PLOD3: variants seen among roughly 807,000 people sequenced by gnomAD.
The protein encoded by PLOD3 is multifunctional procollagen lysine hydroxylase and glycosyltransferase LH3.
A neutral mutation model predicts 96.9 loss-of-function variants in PLOD3; 73 were observed. The ratio of observed to expected loss-of-function variants is 0.75; its 90% CI spans 0.62 to 0.92. The LOEUF (loss-of-function observed/expected upper bound fraction) is 0.92. Ranked by LOEUF, PLOD3 falls within the 40% of genes least tolerant of loss-of-function variation. The pLI is 0.00. For missense variants in PLOD3, 1,004 were observed against 1,004.3 expected (o/e 1.00, Z 0.00); for synonymous variants, 454 against 413.7 (o/e 1.10, Z -1.18).
chr7:101,217,290 C>T lies in PLOD3; in HGVS notation c.-16G>A. 3 of 1,448,720 alleles carry T rather than the reference C, an allele frequency of 2.1e-6. No individual in the cohort carries two copies. The highest frequency in any genetic ancestry group is 2.7e-6 in the Non-Finnish European group (3 of 1,100,144). 89.7% of individuals were successfully genotyped at this position (1,448,720 alleles called of 1,614,324 possible). A position where few individuals can be genotyped will look rare whatever the true frequency, so the allele number is the denominator to read the frequency against. On this transcript the variant is annotated 5_prime_UTR_variant, in exon 1 of 19. Coordinates refer to ENST00000223127, the MANE Select transcript of PLOD3 (RefSeq NM_001084.5). Reference sequence around the variant, plus strand: ...AGGAGGTCATGGTGGGGAGCGGGCCCAGACAGCACCCAGGATCCTGGGATC... The same window carrying T: ...AGGAGGTCATGGTGGGGAGCGGGCCTAGACAGCACCCAGGATCCTGGGATC...
At position 101,207,473 on chromosome 7, in the gene PLOD3, A is replaced by C. The variant is rs186082235; in HGVS notation, c.1935+105T>G. On this transcript the variant is annotated intron_variant, in intron 17 of 18. Transcript: ENST00000223127. ...CTCATTCCCCTGGGAACTAAAATGC[A>C]TGGAGCCCAAATGCTGCCGGGGCCG... is the stretch of plus-strand genomic sequence containing the variant. 3,986 of 1,236,590 alleles carry C rather than the reference A, an allele frequency of 3.2e-3. 16 individuals are homozygous for C. The highest frequency in any genetic ancestry group is 7.1e-3 in the Middle Eastern group (36 of 5,054). The allele number at this position is 1,236,590 out of a possible 1,614,324, so 76.6% of individuals were successfully genotyped here. A position where few individuals can be genotyped will look rare whatever the true frequency, so the allele number is the denominator to read the frequency against.
Position 101,207,607 on chromosome 7 carries a change from C to T in PLOD3, c.1906G>A (p.Glu636Lys), listed in dbSNP as rs200112480. The T allele has an allele frequency of 1.4e-5, 22 of 1,613,944 alleles. No homozygotes were observed. Among genetic ancestry groups the T allele is most frequent in the South Asian group, 3.3e-5 (3 of 91,088 alleles). The change falls in exon 17 of 19, where the codon GAG (glutamate) becomes AAG (lysine). Residue 636 changes from glutamate (E) to lysine (K), a missense_variant. Coordinates refer to ENST00000223127, the MANE Select transcript of PLOD3 (RefSeq NM_001084.5). ...GTGTGGTAACCGGGAAACAGGCTCT[C>T]GGTCATGGGGCCCACATACGTCCGC... is the stretch of plus-strand genomic sequence containing the variant. ...LLRTYVGPMT[E>K]SLFPGYHTKA...
chr7:101,211,024 G>A lies in PLOD3; in HGVS notation c.1359-351C>T, dbSNP rs1798173385. ...GCCTCCCAAATAGCTGGGATTAGAG[G>A]TGCCAGCCACCATGCCCGGCTGATT... On this transcript the variant is annotated intron_variant, in intron 12 of 18. Coordinates refer to ENST00000223127, the MANE Select transcript of PLOD3 (RefSeq NM_001084.5). 1.3e-5 allele frequency: 4 copies of A among 299,942 alleles called. No homozygotes were observed. In the South Asian group the frequency reaches 1.4e-4, roughly 11 times the overall value. 18.6% of individuals were successfully genotyped at this position (299,942 alleles called of 1,614,324 possible).
At chr7:101,207,066 C>T (rs557410747) in intron 17 of PLOD3, among the ~76,000 whole-genome samples, 162 bp from the exon 18 acceptor site, 2 of 152,230 alleles carry the variant, frequency 1.3e-5, no homozygotes, top group South Asian at 4.1e-4. Flanking sequence ...ACCTCTGCCT[C>T]CCGGTTTCAA....
In PLOD3 at chr7:101,207,703, A is replaced by G. The variant is rs1798111509; in HGVS notation, c.1810T>C (p.Tyr604His). 1.2e-6 allele frequency: 2 copies of G among 1,613,620 alleles called. No homozygotes were observed. Among genetic ancestry groups the G allele is most frequent in the South Asian group, 1.1e-5 (1 of 91,072 alleles). ...RHEDSRLAGG[Y>H]ENVPTVDIHM... ...ATGTCCACGGTGGGCACATTCTCGT[A>G]GCCTCCAGCCAGCCTTGAATCCTGG... The change falls in exon 17 of 19, where the codon TAC (tyrosine) becomes CAC (histidine). Residue 604 changes from tyrosine (Y) to histidine (H), a missense_variant. By Grantham distance (83) the Tyr-to-His change is moderately conservative. This residue lies in a region of PLOD3 where 222 missense variants were observed against 220.4 expected (regional missense o/e 1.01). Coordinates refer to ENST00000223127, the MANE Select transcript of PLOD3 (RefSeq NM_001084.5).
chr7:101,206,522 C>CG, intron 18 of PLOD3, 86 bp from the exon 19 acceptor site: 4 of 1,279,398 alleles, frequency 3.1e-6, no homozygotes, highest in East Asian at 2.5e-5. Context: ...GCGGCCAGAC[C>CG]GGGGGGCACG....
Position 101,211,727 on chromosome 7 carries a change from G to T in PLOD3, c.1233-11C>A, listed in dbSNP as rs767111660. 9 of 1,601,792 alleles carry T rather than the reference G, an allele frequency of 5.6e-6. No individual in the cohort carries two copies. In the Admixed American group the frequency reaches 7.0e-5, roughly 12 times the overall value. ...GGGGCGATCACCTTCCTGCGGACAGGTGGGGGTGAGGGCTGGGCAGACGGG... is the reference window on the plus strand; with the variant it reads ...GGGGCGATCACCTTCCTGCGGACAGTTGGGGGTGAGGGCTGGGCAGACGGG... On this transcript the variant is annotated splice_polypyrimidine_tract_variant and intron_variant, in intron 11 of 18. Coordinates refer to ENST00000223127, the MANE Select transcript of PLOD3 (RefSeq NM_001084.5).
chr7:101,208,742 C>T, intron 16 of PLOD3, 111 bp downstream of exon 16: 1 of 742,182 alleles, frequency 1.3e-6, no homozygotes, highest in Non-Finnish European at 2.4e-6. Context: ...GGGTCTGCCT[C>T]CCCCCTGGGA....
At chr7:101,212,123 A>G in intron 10 of PLOD3, 130 bp downstream of exon 10, 1 of 1,268,078 alleles carries the variant, frequency 7.9e-7, no homozygotes, top group Non-Finnish European at 1.1e-6. Context: ...GGGGGCTGCA[A>G]GGATGCGAAT....
At chr7:101,208,284 A>G (rs9656066) in intron 16 of PLOD3, among the ~76,000 whole-genome samples, 29,281 of 149,932 alleles carry the variant, frequency 0.2, 4,081 homozygotes, top group African/African-American at 0.4. Flanking sequence ...ATGGAGTTTC[A>G]CTCTTGTTGC....
At position 101,208,951 on chromosome 7, in the gene PLOD3, G is replaced by A. The variant is rs757518820; in HGVS notation, c.1690C>T (p.Pro564Ser). The A allele has an allele frequency of 4.3e-6, 7 of 1,612,044 alleles. No homozygotes were observed. The East Asian group carries it at 1.1e-4, about 26-fold the overall frequency. ...AGCAGTGGGAACCAGTACACGTCCG[G>A]GCATGGCTGAGGATGGGGCGAGGGA... is the stretch of plus-strand genomic sequence containing the variant. ...EGEGIVEQPC[P>S]DVYWFPLLSE... is the part of the protein sequence containing the mutation. The change falls in exon 16 of 19, where the codon CCG becomes TCG. Residue 564 changes from proline (P) to serine (S), a missense_variant. This residue lies in a region of PLOD3 where 65 missense variants were observed against 68.8 expected (regional missense o/e 0.94). Transcript: ENST00000223127.
intron 6 of PLOD3, among the ~76,000 whole-genome samples, chr7:101,213,843 C>T (rs555016097): frequency 9.3e-4 from 142 of 152,034 alleles, no homozygotes; most frequent in Non-Finnish European, 1.4e-3. Flanking sequence ...GGATTACAGG[C>T]GCGCACCACC....
At chr7:101,215,518 TTG>T (rs1386145037) in intron 5 of PLOD3, among the ~76,000 whole-genome samples, 2 of 152,292 alleles carry the variant, frequency 1.3e-5, no homozygotes, top group East Asian at 3.9e-4. Context: ...TTTCCTTTTT[TTG>T]TGAGAGACAG....
chr7:101,209,040 G>C, intron 15 of PLOD3, 83 bp from the exon 16 acceptor site: 1 of 953,862 alleles, frequency 1.0e-6, no homozygotes, highest in Admixed American at 1.8e-5. Flanking sequence ...ATGGGAAGGG[G>C]CAGGGAGGAG....
In PLOD3 at chr7:101,206,103, C is replaced by T. The variant is rs574455432; in HGVS notation, c.*178G>A. Reference sequence around the variant, plus strand: ...GGGCGGAGGAGAGAGGCGGGGACTCCGGGAGCTTCCTGAGAGGGCCGTGTC... The same window carrying T: ...GGGCGGAGGAGAGAGGCGGGGACTCTGGGAGCTTCCTGAGAGGGCCGTGTC... On this transcript the variant is annotated 3_prime_UTR_variant, in exon 19 of 19. Coordinates refer to ENST00000223127, the MANE Select transcript of PLOD3 (RefSeq NM_001084.5). The T allele has an allele frequency of 3.9e-5, 28 of 725,576 alleles. No individual in the cohort carries two copies. Among genetic ancestry groups the T allele is most frequent in the Admixed American group, 3.4e-4 (17 of 49,768 alleles). 44.9% of individuals were successfully genotyped at this position (725,576 alleles called of 1,614,324 possible).
chr7:101,209,472 G>A (rs990899927), intron 15 of PLOD3, among the ~76,000 whole-genome samples: 2 of 151,646 alleles, frequency 1.3e-5, no homozygotes, highest in Non-Finnish European at 2.9e-5. Context: ...CTGCCTCCCA[G>A]GTTCAAGCGA....
At position 101,215,895 on chromosome 7, in the gene PLOD3, C is replaced by G; in HGVS notation, c.615+13G>C. The G allele has an allele frequency of 6.4e-7, 1 of 1,573,624 alleles. No individual in the cohort carries two copies. ...AGAGCTGCGGGATGCGCCCACTCCTCTGCCTTCCCTACCCTCAGTCCTGGG... is the reference window on the plus strand; with the variant it reads ...AGAGCTGCGGGATGCGCCCACTCCTGTGCCTTCCCTACCCTCAGTCCTGGG... On this transcript the variant is annotated intron_variant, in intron 5 of 18. Transcript: ENST00000223127.
chr7:101,212,161 T>C, intron 10 of PLOD3, 92 bp downstream of exon 10: 1 of 1,523,788 alleles, frequency 6.6e-7, no homozygotes, highest in Non-Finnish European at 9.0e-7. Context: ...GCTGGATGGG[T>C]GACAGGTGAG....
At chr7:101,212,799 G>T in intron 8 of PLOD3, 43 bp downstream of exon 8, 1 of 1,563,976 alleles carries the variant, frequency 6.4e-7, no homozygotes, top group Non-Finnish European at 8.8e-7. Context: ...CTCCTGCTCA[G>T]CACGCTGCCC....
Sources: gnomAD v4.1 joint callset for allele counts (sites outside exome capture counted in the v4.1 genomes callset) on GRCh38, gnomAD v4.1.1 for gene constraint, gnomAD v4.1.1 regional missense constraint, MANE v1.5 for transcripts, NCBI Gene and HGNC (gene_info 2026-07-23, HGNC 2026-07-21) for gene names.